Variants in FABP3 observed in about 807,000 individuals in gnomAD.
FABP3 encodes the protein fatty acid-binding protein, heart.
A neutral mutation model predicts 13.4 loss-of-function variants in FABP3; 8 were observed. The observed-to-expected ratio is 0.60, with a 90% CI of 0.35 to 1.07. The LOEUF (loss-of-function observed/expected upper bound fraction) is 1.07. Among genes scored for constraint, FABP3 ranks in the 50% least tolerant of loss-of-function variants. The pLI is 0.02. For missense variants in FABP3, 135 were observed against 164.7 expected (o/e 0.82, Z 0.99); for synonymous variants, 64 against 60.0 (o/e 1.07, Z -0.31).
chr1:31,365,458 C>A lies in FABP3; in HGVS notation c.*428G>T, dbSNP rs1375874966. Among the ~76,000 whole-genome samples, 1 of 152,126 alleles carries A rather than the reference C, an allele frequency of 6.6e-6. No homozygotes were observed. Among genetic ancestry groups the A allele is most frequent in the Non-Finnish European group, 1.5e-5 (1 of 68,014 alleles). ...TGGAGGGGGGGCAGTGTAAAGGCAA[C>A]GTGTAGGTACAGCTCTTTTATTATT... On this transcript the variant is annotated 3_prime_UTR_variant, in exon 4 of 4. Coordinates refer to ENST00000373713, the MANE Select transcript of FABP3 (RefSeq NM_004102.5).
At chr1:31,362,164 G>A (rs1034675231), downstream of FABP3, among the ~76,000 whole-genome samples, 27 of 151,060 alleles carry the variant, frequency 1.8e-4, 1 homozygote, top group East Asian at 2.0e-3. Context: ...GCCTCAGTGA[G>A]TTCAGATGAC....
At chr1:31,367,855 G>T (rs1257634225) in intron 2 of FABP3, among the ~76,000 whole-genome samples, 1 of 152,188 alleles carries the variant, frequency 6.6e-6, no homozygotes, top group African/African-American at 2.4e-5. Context: ...GATACAGGTG[G>T]GATTTACTAG....
At chr1:31,368,295 T>C (rs1056755758) in intron 2 of FABP3, among the ~76,000 whole-genome samples, 5 of 152,224 alleles carry the variant, frequency 3.3e-5, no homozygotes, top group Admixed American at 2.0e-4. Context: ...TGTCTCTTAG[T>C]GTGCTCTTTT....
intron 1 of FABP3, among the ~76,000 whole-genome samples, chr1:31,372,071 A>G (rs1191008320): frequency 6.6e-6 from 1 of 152,090 alleles, no homozygotes. Context: ...CAAGTTCCTC[A>G]CCTGTGAGAT....
At position 31,367,425 on chromosome 1, in the gene FABP3, CAA is replaced by C; in HGVS notation, c.314_315del (p.Leu105ArgfsTer6). 1 of 1,614,206 alleles carries C rather than the reference CAA, an allele frequency of 6.2e-7. No homozygotes were observed. Among genetic ancestry groups the C allele is most frequent in the East Asian group, 2.2e-5 (1 of 44,890 alleles). On this transcript the variant is annotated frameshift_variant, in exon 3 of 4. Transcript: ENST00000373713. LOFTEE classifies it high-confidence loss of function. ...LQKWDGQETT[L>X]VRELIDGKLI... is the part of the protein sequence containing the mutation. ...AGTTTTCCATCAATTAGCTCCCGCA[CAA>C]GTGTGGTCTCTTGCCCGTCCCATTT... is the stretch of plus-strand genomic sequence containing the variant.
intron 3 of FABP3, 77 bp from the exon 4 acceptor site, chr1:31,366,016 G>A: frequency 1.5e-6 from 2 of 1,292,340 alleles, no homozygotes; most frequent in Non-Finnish European, 2.2e-6. Context: ...CCTTCCTCCT[G>A]ATAATTGTCA....
chr1:31,362,855 A>T (rs538910979), downstream of FABP3, among the ~76,000 whole-genome samples: 6 of 152,212 alleles, frequency 3.9e-5, no homozygotes, highest in South Asian at 2.1e-4. Context: ...ATACTTGTTT[A>T]AAAAAAATCA....
Position 31,367,466 on chromosome 1 carries a change from A to G in FABP3, c.275T>C (p.Leu92Pro), listed in dbSNP as rs1451198567. The change falls in exon 3 of 4, where the codon CTT (leucine) becomes CCT (proline). Residue 92 changes from leucine (L) to proline (P), a missense_variant. Coordinates refer to ENST00000373713, the MANE Select transcript of FABP3 (RefSeq NM_004102.5). ...CCCGTCCCATTTCTGCAGGTGAACA[A>G]GTTTCCCTCCATCCAGTGTCACAAT... ...KSIVTLDGGK[L>P]VHLQKWDGQE... is the part of the protein sequence containing the mutation. 6.2e-7 allele frequency: 1 copy of G among 1,614,190 alleles called. No individual in the cohort carries two copies. Among genetic ancestry groups the G allele is most frequent in the Non-Finnish European group, 8.5e-7 (1 of 1,180,000 alleles).
intron 1 of FABP3, 145 bp downstream of exon 1, chr1:31,372,797 C>A (rs1238677811): frequency 1.3e-6 from 1 of 760,878 alleles, no homozygotes. Context: ...GAACAGGCCC[C>A]ACCTGCTCTA....
chr1:31,372,335 TAGACTGCAGGACAAGGTC>T lies in FABP3; in HGVS notation c.73+589_73+606del, dbSNP rs568902594. Among the ~76,000 whole-genome samples, 43 of 152,204 alleles carry T rather than the reference TAGACTGCAGGACAAGGTC, an allele frequency of 2.8e-4. No individual in the cohort carries two copies. In the East Asian group the frequency reaches 8.1e-3, roughly 29 times the overall value. ...AGACAGTGATGAAGGCCTGGATACA[TAGACTGCAGGACAAGGTC>T]AGACTGGCTGGTGAGAAAGGGCATT... On this transcript the variant is annotated intron_variant, in intron 1 of 3. Coordinates refer to ENST00000373713, the MANE Select transcript of FABP3 (RefSeq NM_004102.5).
intron 1 of FABP3, among the ~76,000 whole-genome samples, 161 bp downstream of exon 1, chr1:31,372,781 C>T (rs1640230309): frequency 6.6e-6 from 1 of 152,196 alleles, no homozygotes; most frequent in African/African-American, 2.4e-5. Context: ...CACCAAAGCC[C>T]CCTCTGAACA....
rs1446160414 is a variant in FABP3 at position 31,365,702 on chromosome 1, G to GT, written c.*183dup. 1.4e-5 allele frequency: 7 copies of GT among 487,974 alleles called. No individual in the cohort carries two copies. Among genetic ancestry groups the GT allele is most frequent in the Non-Finnish European group, 2.5e-5 (7 of 284,334 alleles). The allele number at this position is 487,974 out of a possible 1,614,324, so 30.2% of individuals were successfully genotyped here. On this transcript the variant is annotated 3_prime_UTR_variant, in exon 4 of 4. Transcript: ENST00000373713. ...GACCTCAGAGCACCCTATGAGTGCAGTTAAAAAAAAAAAAAAAAAACCACA... is the reference window on the plus strand; with the variant it reads ...GACCTCAGAGCACCCTATGAGTGCAGTTTAAAAAAAAAAAAAAAAAACCACA...
At chr1:31,365,058 A>G (rs1640077397), downstream of FABP3, 1 of 152,302 alleles carries the variant, frequency 6.6e-6, no homozygotes, top group South Asian at 2.1e-4. Flanking sequence ...AGAGATGCCC[A>G]GCAGAGGTAC....
intron 1 of FABP3, 55 bp from the exon 2 acceptor site, chr1:31,369,612 C>T: frequency 6.5e-7 from 1 of 1,546,304 alleles, no homozygotes; most frequent in Non-Finnish European, 8.9e-7. Context: ...AAGCAGTGTA[C>T]AAGAAACTCA....
rs563733166 is a variant in FABP3 at position 31,366,438 on chromosome 1, T to C, written c.349-499A>G. On this transcript the variant is annotated intron_variant, in intron 3 of 3. Transcript: ENST00000373713. Reference sequence around the variant, plus strand: ...GTCTGGCATCATAGAGCCAGACCCATGGCCTCACCATAGTTCAGCTGCCAC... The same window carrying C: ...GTCTGGCATCATAGAGCCAGACCCACGGCCTCACCATAGTTCAGCTGCCAC... Among the ~76,000 whole-genome samples, 15 of 152,292 alleles carry C rather than the reference T, an allele frequency of 9.8e-5. 1 individual carries two copies. In the South Asian group the frequency reaches 3.1e-3, roughly 32 times the overall value.
At position 31,365,440 on chromosome 1, in the gene FABP3, G is replaced by T. The variant is rs1640084901; in HGVS notation, c.*446C>A. Among the ~76,000 whole-genome samples the T allele has an allele frequency of 6.6e-6, 1 of 152,164 alleles. No homozygotes were observed. Among genetic ancestry groups the T allele is most frequent in the South Asian group, 2.1e-4 (1 of 4,828 alleles). On this transcript the variant is annotated 3_prime_UTR_variant, in exon 4 of 4. Coordinates refer to ENST00000373713, the MANE Select transcript of FABP3 (RefSeq NM_004102.5). ...AACTAGGTCATTTGACCATGGAGGG[G>T]GGGCAGTGTAAAGGCAACGTGTAGG...
chr1:31,371,685 G>A (rs1202671295), intron 1 of FABP3, among the ~76,000 whole-genome samples: 1 of 152,204 alleles, frequency 6.6e-6, no homozygotes, highest in Non-Finnish European at 1.5e-5. Context: ...GCTTTGGAAG[G>A]AGGAACTAAA....
Position 31,365,705 on chromosome 1 carries a change from A to AT in FABP3, c.*180_*181insA. ...CTCAGAGCACCCTATGAGTGCAGTT[A>AT]AAAAAAAAAAAAAAAAACCACATAC... On this transcript the variant is annotated 3_prime_UTR_variant, in exon 4 of 4. Coordinates refer to ENST00000373713, the MANE Select transcript of FABP3 (RefSeq NM_004102.5). 2.7e-5 allele frequency: 2 copies of AT among 74,624 alleles called. No individual in the cohort carries two copies. The highest frequency in any genetic ancestry group is 5.0e-5 in the Non-Finnish European group (2 of 39,754). 4.6% of individuals were successfully genotyped at this position (74,624 alleles called of 1,614,324 possible). A position where few individuals can be genotyped will look rare whatever the true frequency, so the allele number is the denominator to read the frequency against.
chr1:31,368,460 G>C (rs965940626), intron 2 of FABP3, among the ~76,000 whole-genome samples: 11 of 152,186 alleles, frequency 7.2e-5, no homozygotes, highest in Admixed American at 2.6e-4. Flanking sequence ...ATGAGCAGGT[G>C]GTGGGGCAGC....
Sources: allele counts gnomAD v4.1 joint callset (sites outside exome capture counted in the v4.1 genomes callset), GRCh38; gene constraint gnomAD v4.1.1; transcripts MANE v1.5; gene names NCBI Gene and HGNC (gene_info 2026-07-23, HGNC 2026-07-21).